Variants in TTC4 observed in about 807,000 individuals in gnomAD.
The protein encoded by TTC4 is tetratricopeptide repeat domain 4, also known as hsp70/Hsp90 co-chaperone CNS1 homolog.
In TTC4, 36 loss-of-function variants were observed where a neutral mutation model predicts 51.9. That is an observed-to-expected ratio of 0.69 (90% confidence interval 0.53 to 0.92). TTC4 has a LOEUF of 0.92. Among genes scored for constraint, TTC4 ranks in the 40% least tolerant of loss-of-function variants. TTC4 has a pLI of 0.00. For synonymous variants in TTC4, 144 were observed against 164.2 expected, an observed-to-expected ratio of 0.88 and a Z score of 0.94; for missense variants, 399 against 454.6, an observed-to-expected ratio of 0.88 and a Z score of 1.11.
chr1:54,732,752 C>G (rs1645883024), intron 7 of TTC4, among the ~76,000 whole-genome samples: 1 of 151,800 alleles, frequency 6.6e-6, no homozygotes, highest in African/African-American at 2.4e-5. Context: ...TGAGCCACTG[C>G]ACCCTACCAG....
chr1:54,730,621 T>A (rs191184042), intron 6 of TTC4, among the ~76,000 whole-genome samples: 7 of 152,310 alleles, frequency 4.6e-5, no homozygotes, highest in African/African-American at 9.6e-5. Context: ...TGATTGCATG[T>A]CATTTCCCCT....
At chr1:54,731,334 T>C (rs779400226) in intron 6 of TTC4, 152 bp from the exon 7 acceptor site, 3 of 651,522 alleles carry the variant, frequency 4.6e-6, no homozygotes, top group Non-Finnish European at 7.3e-6. Flanking sequence ...CTGGGCAATA[T>C]AGTGAAACTC....
intron 6 of TTC4, 93 bp from the exon 7 acceptor site, chr1:54,731,393 G>A: frequency 8.7e-7 from 1 of 1,151,626 alleles, no homozygotes; most frequent in Admixed American, 3.0e-5. Flanking sequence ...AATTAGCCAG[G>A]CATTATGGTT....
chr1:54,723,674 G>A (rs568692802), intron 5 of TTC4, among the ~76,000 whole-genome samples: 31 of 152,164 alleles, frequency 2.0e-4, no homozygotes, highest in Non-Finnish European at 4.1e-4. Flanking sequence ...CTAGTAGAAG[G>A]AGAATTAAAA....
chr1:54,720,154 G>A (rs1470410755), intron 3 of TTC4, among the ~76,000 whole-genome samples: 3 of 151,920 alleles, frequency 2.0e-5, no homozygotes, highest in Non-Finnish European at 2.9e-5. Flanking sequence ...CTCTCACCTC[G>A]GTCTCCCATA....
chr1:54,717,682 A>C (rs1645692824), intron 3 of TTC4, 29 bp downstream of exon 3: 1 of 1,493,134 alleles, frequency 6.7e-7, no homozygotes, highest in South Asian at 1.4e-5. Flanking sequence ...CTGAAGAATA[A>C]ACTTATGATA....
At chr1:54,718,670 C>T (rs1645705371) in intron 3 of TTC4, among the ~76,000 whole-genome samples, 1 of 152,176 alleles carries the variant, frequency 6.6e-6, no homozygotes, top group South Asian at 2.1e-4. Flanking sequence ...TTGTAAGCCT[C>T]CTCTTCAGGT....
Position 54,716,477 on chromosome 1 carries a change from G to A in TTC4, c.112-123G>A, listed in dbSNP as rs757232008. The stretch of plus-strand genomic sequence containing the variant: ...CAGAAGGGAAGCGGAGGCCTGAATG[G>A]ATACAGCTAGCTGTGATGATTTGCA... On this transcript the variant is annotated intron_variant, in intron 1 of 9. Coordinates refer to ENST00000371281, the MANE Select transcript of TTC4 (RefSeq NM_004623.5). 5 of 720,534 alleles carry A rather than the reference G, an allele frequency of 6.9e-6. No homozygotes were observed. In the South Asian group the frequency reaches 8.9e-5, roughly 13 times the overall value. The allele number at this position is 720,534 out of a possible 1,614,324, so 44.6% of individuals were successfully genotyped here.
chr1:54,737,460 C>T (rs1645959435), intron 8 of TTC4, 122 bp from the exon 9 acceptor site: 1 of 762,028 alleles, frequency 1.3e-6, no homozygotes, highest in African/African-American at 1.7e-5. Context: ...AGCTACACAA[C>T]CATATAAAGG....
chr1:54,739,564 T>A (rs1645987604), intron 9 of TTC4, among the ~76,000 whole-genome samples: 1 of 152,238 alleles, frequency 6.6e-6, no homozygotes, highest in Admixed American at 6.5e-5. Flanking sequence ...GGCAGCAAGT[T>A]GGATTTGGCA....
Position 54,717,022 on chromosome 1 carries a change from G to A in TTC4, c.229+305G>A, listed in dbSNP as rs140341870. Among the ~76,000 whole-genome samples the A allele has an allele frequency of 5.3e-3, 800 of 152,266 alleles. 10 individuals carry two copies. The highest frequency in any genetic ancestry group is 0.019 in the African/African-American group (771 of 41,556). ...ACTACAGCTGTAGTGGGTCCTGTTG[G>A]AACACTTTAAGGAGCAGGAGTGGAT... On this transcript the variant is annotated intron_variant, in intron 2 of 9. Transcript: ENST00000371281.
chr1:54,719,748 GT>G (rs1645720515), intron 3 of TTC4, among the ~76,000 whole-genome samples: 2 of 151,872 alleles, frequency 1.3e-5, no homozygotes, highest in Non-Finnish European at 2.9e-5. Flanking sequence ...CTGTTTTTTG[GT>G]TTTTATAAAT....
intron 3 of TTC4, among the ~76,000 whole-genome samples, chr1:54,718,023 G>A (rs970285139): frequency 6.6e-6 from 1 of 152,128 alleles, no homozygotes; most frequent in African/African-American, 2.4e-5. Flanking sequence ...AGATCTTTAG[G>A]TGAGATAAGC....
At chr1:54,733,452 T>A (rs540928297) in intron 7 of TTC4, among the ~76,000 whole-genome samples, 177 bp from the exon 8 acceptor site, 3 of 151,678 alleles carry the variant, frequency 2.0e-5, no homozygotes, top group South Asian at 2.1e-4. Flanking sequence ...AAAATAAAAT[T>A]ATGTCATAAT....
chr1:54,735,249 G>T (rs1057139203), intron 8 of TTC4, among the ~76,000 whole-genome samples: 13 of 152,036 alleles, frequency 8.6e-5, no homozygotes, highest in African/African-American at 2.9e-4. Flanking sequence ...ATGGAGTTTT[G>T]CTCTTGTTGC....
intron 3 of TTC4, among the ~76,000 whole-genome samples, chr1:54,719,507 C>T (rs1645718122): frequency 7.8e-6 from 1 of 128,498 alleles, no homozygotes; most frequent in African/African-American, 3.3e-5. Flanking sequence ...CAATCTGCCT[C>T]CTTTAACTAA....
At chr1:54,719,933 C>T (rs1177984684) in intron 3 of TTC4, among the ~76,000 whole-genome samples, 1 of 146,664 alleles carries the variant, frequency 6.8e-6, no homozygotes, top group Non-Finnish European at 1.5e-5. Context: ...CAGGGTCTTA[C>T]TCTGTTCAGG....
chr1:54,734,570 A>G (rs1645912130), intron 8 of TTC4, among the ~76,000 whole-genome samples: 1 of 151,528 alleles, frequency 6.6e-6, no homozygotes, highest in African/African-American at 2.4e-5. Context: ...TTGTATTTTT[A>G]GTAGAGATGG....
chr1:54,723,937 A>G (rs917020295), intron 5 of TTC4, among the ~76,000 whole-genome samples: 8 of 152,214 alleles, frequency 5.3e-5, no homozygotes, highest in East Asian at 3.9e-4. Flanking sequence ...GTAGATCTCT[A>G]TGGACCCACA....
Sources: gnomAD v4.1 joint callset for allele counts (sites outside exome capture counted in the v4.1 genomes callset) on GRCh38, gnomAD v4.1.1 for gene constraint, MANE v1.5 for transcripts, NCBI Gene and HGNC (gene_info 2026-07-23, HGNC 2026-07-21) for gene names.